Variants in MYO6 observed in about 807,000 individuals in gnomAD.
The protein encoded by MYO6 is unconventional myosin-VI.
A neutral mutation model predicts 178.7 loss-of-function variants in MYO6; 74 were observed. The ratio of observed to expected loss-of-function variants is 0.41; its 90% CI spans 0.34 to 0.50. The LOEUF (loss-of-function observed/expected upper bound fraction) is 0.50. Among genes scored for constraint, MYO6 ranks in the 20% least tolerant of loss-of-function variants. The probability of loss-of-function intolerance (pLI) is 0.09; values close to 1 mark genes in which losing one functional copy is unlikely to be tolerated. For synonymous variants in MYO6, 477 were observed against 504.6 expected, an observed-to-expected ratio of 0.95 and a Z score of 0.73; for missense variants, 1,330 against 1,547.4, an observed-to-expected ratio of 0.86 and a Z score of 2.36.
intron 30 of MYO6, among the ~76,000 whole-genome samples, chr6:75,904,854 T>A (rs905228967): frequency 1.8e-4 from 28 of 152,326 alleles, no homozygotes; most frequent in South Asian, 1.7e-3. Context: ...CCCATCTTTG[T>A]GGTTTTGTCT....
intron 4 of MYO6, among the ~76,000 whole-genome samples, 198 bp downstream of exon 4, chr6:75,828,811 A>T (rs1415684038): frequency 2.0e-5 from 3 of 152,182 alleles, no homozygotes; most frequent in Non-Finnish European, 4.4e-5. Flanking sequence ...CATGCCTGGT[A>T]CACAGAAAGC....
chr6:75,756,656 C>G (rs1435615038), intron 1 of MYO6, among the ~76,000 whole-genome samples: 2 of 152,086 alleles, frequency 1.3e-5, no homozygotes, highest in Non-Finnish European at 1.5e-5. Context: ...GTTTATTGAG[C>G]TTTTACTACC....
chr6:75,863,218 A>G (rs999534040), intron 16 of MYO6, among the ~76,000 whole-genome samples: 2 of 152,228 alleles, frequency 1.3e-5, no homozygotes, highest in African/African-American at 4.8e-5. Flanking sequence ...AGTCGCAAGC[A>G]GCCATCTGTC....
At chr6:75,797,019 T>G (rs1411577256) in intron 1 of MYO6, among the ~76,000 whole-genome samples, 1 of 152,186 alleles carries the variant, frequency 6.6e-6, no homozygotes, top group Non-Finnish European at 1.5e-5. Flanking sequence ...CCATGTCTGT[T>G]GTGAATAGTG....
At chr6:75,891,992 A>G (rs886164765) in intron 27 of MYO6, among the ~76,000 whole-genome samples, 1 of 152,208 alleles carries the variant, frequency 6.6e-6, no homozygotes, top group Non-Finnish European at 1.5e-5. Flanking sequence ...CCTAGGGGAA[A>G]GTCAAATGAA....
At chr6:75,799,001 T>G (rs1360268392) in intron 1 of MYO6, among the ~76,000 whole-genome samples, 1 of 152,182 alleles carries the variant, frequency 6.6e-6, no homozygotes, top group African/African-American at 2.4e-5. Flanking sequence ...CAATCCCGTT[T>G]ACAACAGCCA....
chr6:75,873,960 C>CA (rs1412281918), intron 20 of MYO6, among the ~76,000 whole-genome samples: 2 of 152,182 alleles, frequency 1.3e-5, no homozygotes, highest in Non-Finnish European at 1.5e-5. Context: ...TTCTCACCAA[C>CA]ACTACCCCTA....
intron 1 of MYO6, among the ~76,000 whole-genome samples, chr6:75,753,761 C>T (rs972178989): frequency 4.6e-5 from 7 of 151,964 alleles, no homozygotes; most frequent in Admixed American, 1.3e-4. Flanking sequence ...CGTGCCTTGC[C>T]GGCATTATAT....
intron 27 of MYO6, among the ~76,000 whole-genome samples, chr6:75,891,621 G>A (rs1268123564): frequency 1.3e-5 from 2 of 151,822 alleles, no homozygotes. Flanking sequence ...AACAGAGCGA[G>A]ACTCCATCTC....
chr6:75,840,871 C>T (rs1198769820), intron 8 of MYO6, among the ~76,000 whole-genome samples, 189 bp downstream of exon 8: 1 of 152,136 alleles, frequency 6.6e-6, no homozygotes, highest in African/African-American at 2.4e-5. Context: ...AACCCAGATG[C>T]TGAATTTGAC....
chr6:75,914,327 C>A (rs373313873), intron 34 of MYO6, 46 bp downstream of exon 34: 2 of 1,539,268 alleles, frequency 1.3e-6, no homozygotes, highest in South Asian at 2.2e-5. Flanking sequence ...CAAAAAAGAT[C>A]ATAAACTCTC....
chr6:75,837,364 G>A (rs184029307), intron 7 of MYO6, among the ~76,000 whole-genome samples: 85 of 152,218 alleles, frequency 5.6e-4, no homozygotes, highest in African/African-American at 1.9e-3. Flanking sequence ...ACTACATGCC[G>A]TAGTAAATGC....
At chr6:75,827,797 A>T (rs1772633900) in intron 3 of MYO6, among the ~76,000 whole-genome samples, 1 of 151,934 alleles carries the variant, frequency 6.6e-6, no homozygotes, top group South Asian at 2.1e-4. Flanking sequence ...AGAGAAGATG[A>T]TTTTAGTGTT....
intron 30 of MYO6, among the ~76,000 whole-genome samples, chr6:75,899,261 A>T (rs1371882223): frequency 6.6e-6 from 1 of 152,216 alleles, no homozygotes; most frequent in Admixed American, 6.5e-5. Context: ...TTTTAAAAGT[A>T]TCAAAACACA....
intron 30 of MYO6, among the ~76,000 whole-genome samples, chr6:75,901,883 T>A (rs1475216427): frequency 6.6e-6 from 1 of 152,220 alleles, no homozygotes; most frequent in Non-Finnish European, 1.5e-5. Context: ...GCTCTTATTA[T>A]TTTCAAATAC....
chr6:75,754,517 C>T (rs1417673662), intron 1 of MYO6, among the ~76,000 whole-genome samples: 1 of 12,646 alleles, frequency 7.9e-5, no homozygotes, highest in Non-Finnish European at 9.3e-4. Context: ...GAGACTCCGT[C>T]TCAAAAAAAA....
intron 7 of MYO6, among the ~76,000 whole-genome samples, chr6:75,840,153 A>G (rs1774068306): frequency 7.0e-6 from 1 of 143,812 alleles, no homozygotes; most frequent in African/African-American, 2.5e-5. Flanking sequence ...GAATTCCTTC[A>G]TGTTAATTTT....
chr6:75,764,593 G>C (rs1778238543), intron 1 of MYO6, among the ~76,000 whole-genome samples: 1 of 152,098 alleles, frequency 6.6e-6, no homozygotes, highest in Admixed American at 6.6e-5. Flanking sequence ...TGCCTAGCGA[G>C]GGGCTTTGTA....
intron 1 of MYO6, among the ~76,000 whole-genome samples, chr6:75,770,338 G>A (rs1765745998): frequency 6.6e-6 from 1 of 152,196 alleles, no homozygotes; most frequent in African/African-American, 2.4e-5. Flanking sequence ...CAGAGAGATT[G>A]TTATAAAGAT....
Sources: gnomAD v4.1 joint callset for allele counts (sites outside exome capture counted in the v4.1 genomes callset) on GRCh38, gnomAD v4.1.1 for gene constraint, MANE v1.5 for transcripts, NCBI Gene and HGNC (gene_info 2026-07-23, HGNC 2026-07-21) for gene names.